Variants in HCN2 observed in about 807,000 individuals in gnomAD.
HCN2 encodes the protein hyperpolarization activated cyclic nucleotide gated potassium and sodium channel 2.
HCN2 carries 20 observed loss-of-function variants against 52.3 expected under a neutral mutation model. The ratio of observed to expected loss-of-function variants is 0.38; its 90% CI spans 0.27 to 0.56. The LOEUF (loss-of-function observed/expected upper bound fraction) is 0.56, where lower values mean the gene tolerates loss of function less well. Among genes scored for constraint, HCN2 ranks in the 20% least tolerant of loss-of-function variants. HCN2 has a pLI of 0.71. For synonymous variants in HCN2, 694 were observed against 537.0 expected, an observed-to-expected ratio of 1.29 and a Z score of -4.04; for missense variants, 981 against 1,207.7, an observed-to-expected ratio of 0.81 and a Z score of 2.78.
At chr19:614,037 G>A in intron 7 of HCN2, 21 bp downstream of exon 7, 1 of 1,537,434 alleles carries the variant, frequency 6.5e-7, no homozygotes, top group Non-Finnish European at 8.7e-7. Flanking sequence ...CGGGGGCGTG[G>A]CCGGGGCGGG....
chr19:608,648 C>G (rs1234676463), intron 4 of HCN2, among the ~76,000 whole-genome samples: 1 of 141,954 alleles, frequency 7.0e-6, no homozygotes, highest in African/African-American at 2.5e-5. Flanking sequence ...CAGGGCAGGA[C>G]AGGGTCAGTC....
In HCN2 at chr19:608,166, G is replaced by T; in HGVS notation, c.1421G>T (p.Arg474Leu). ...ALIQSLDSSR[R>L]QYQEKYKQVE... ...ATCCAGTCGCTGGACTCCTCGCGGC[G>T]CCAGTACCAGGAGAAGGTCTGAGGG... is the stretch of plus-strand genomic sequence containing the variant. Residue 474 changes from arginine to leucine, a missense_variant, in exon 4 of 8, where the codon CGC (arginine) becomes CTC (leucine). By Grantham distance (102) the Arg-to-Leu change is moderately radical (BLOSUM62 -2). Transcript: ENST00000251287. 6.2e-7 allele frequency: 1 copy of T among 1,612,810 alleles called. No individual in the cohort carries two copies. The highest frequency in any genetic ancestry group is 8.5e-7 in the Non-Finnish European group (1 of 1,179,954).
chr19:603,997 A>G lies in HCN2; in HGVS notation c.1056+30A>G, dbSNP rs368986151. The G allele has an allele frequency of 2.9e-4, 380 of 1,332,102 alleles. 2 individuals carry two copies. The African/African-American group carries it at 5.0e-3, about 18-fold the overall frequency. The allele number at this position is 1,332,102 out of a possible 1,614,324, so 82.5% of individuals were successfully genotyped here. On this transcript the variant is annotated intron_variant, in intron 2 of 7. Transcript: ENST00000251287. ...GGTGGGGCGGGGGCGGGGCCAAGGCAGCAGGGGCGGGGCTATAATGGTGCA... is the reference window on the plus strand; with the variant it reads ...GGTGGGGCGGGGGCGGGGCCAAGGCGGCAGGGGCGGGGCTATAATGGTGCA...
In HCN2 at chr19:615,985, C is replaced by T. The variant is rs745367470; in HGVS notation, c.2181C>T (p.Ile727=). 8 of 1,588,936 alleles carry T rather than the reference C, an allele frequency of 5.0e-6. No individual in the cohort carries two copies. Among genetic ancestry groups the T allele is most frequent in the Middle Eastern group, 2.1e-4 (1 of 4,660 alleles). ...PPPPPQVTSA[I]ATLQQAAAMS... ...CGCCGCCGCAGGTCACCTCGGCCAT[C>T]GCCACGCTGCAGCAGGCGGCGGCCA... is the stretch of plus-strand genomic sequence containing the variant. The change falls in exon 8 of 8, where the codon ATC becomes ATT. Residue 727 remains isoleucine, a synonymous_variant. Transcript: ENST00000251287.
intron 3 of HCN2, among the ~76,000 whole-genome samples, chr19:606,952 C>T (rs538262483): frequency 1.3e-5 from 2 of 151,802 alleles, no homozygotes; most frequent in South Asian, 4.2e-4. Context: ...TGGGGCTGAT[C>T]ACCTGAGGTC....
chr19:609,624 G>A (rs1472748143), intron 4 of HCN2, among the ~76,000 whole-genome samples: 2 of 152,246 alleles, frequency 1.3e-5, no homozygotes, highest in African/African-American at 2.4e-5. Flanking sequence ...AAATTAGCAG[G>A]GCAGGGTGGT....
chr19:608,407 A>C (rs549800984), intron 4 of HCN2, among the ~76,000 whole-genome samples: 1 of 127,092 alleles, frequency 7.9e-6, no homozygotes, highest in South Asian at 2.5e-4. Flanking sequence ...GTCTGAGGGG[A>C]GAGGCAGTCT....
intron 5 of HCN2, among the ~76,000 whole-genome samples, chr19:611,301 G>A (rs964724489): frequency 6.6e-6 from 1 of 152,238 alleles, no homozygotes; most frequent in Non-Finnish European, 1.5e-5. Flanking sequence ...GCGGGGCCTA[G>A]GGATGGCGGC....
intron 3 of HCN2, among the ~76,000 whole-genome samples, chr19:606,900 G>T (rs186006914): frequency 1.4e-5 from 2 of 145,916 alleles, no homozygotes; most frequent in Admixed American, 1.4e-4. Flanking sequence ...GGCCGGGCGC[G>T]GTGGCTCACG....
In HCN2 at chr19:603,694, G is replaced by A; in HGVS notation, c.783G>A (p.Leu261=). ...SDTFFLMDLV[L]NFRTGIVIED... ...CCTTCTTCCTCATGGACCTGGTGTT[G>A]AACTTCCGCACCGGCATTGTGATCG... Residue 261 remains leucine, a synonymous_variant, in exon 2 of 8, where the codon TTG becomes TTA. Coordinates refer to ENST00000251287, the MANE Select transcript of HCN2 (RefSeq NM_001194.4). 1 of 1,612,800 alleles carries A rather than the reference G, an allele frequency of 6.2e-7. No individual in the cohort carries two copies.
rs978773859 is a variant in HCN2 at position 611,728 on chromosome 19, T to C, written c.1584+1323T>C. On this transcript the variant is annotated intron_variant, in intron 5 of 7. Transcript: ENST00000251287. ...GATACCACAGCCTCACTCCAGAACA[T>C]TCTCATGGGCCCAAAAGGAGACCTG... 2.0e-4 allele frequency among the ~76,000 whole-genome samples: 30 copies of C among 152,104 alleles called. 1 individual carries two copies.
intron 4 of HCN2, 33 bp from the exon 5 acceptor site, chr19:610,226 G>A (rs200935532): frequency 1.8e-5 from 28 of 1,582,142 alleles, no homozygotes; most frequent in Admixed American, 5.1e-5. Flanking sequence ...GGCCGGGGGC[G>A]GTGTCTGACC....
At chr19:600,337 T>A (rs1323044567) in intron 1 of HCN2, among the ~76,000 whole-genome samples, 1 of 150,878 alleles carries the variant, frequency 6.6e-6, no homozygotes, top group Non-Finnish European at 1.5e-5. Context: ...CACGCCCGGC[T>A]AATTTTTGTA....
chr19:610,546 A>ACC (rs1983584422), intron 5 of HCN2, 141 bp downstream of exon 5: 1 of 685,342 alleles, frequency 1.5e-6, no homozygotes, highest in Non-Finnish European at 2.4e-6. Flanking sequence ...CTGCGTACAC[A>ACC]CCCTCCCCTC....
At position 590,665 on chromosome 19, in the gene HCN2, G is replaced by C; in HGVS notation, c.632+88G>C. The C allele has an allele frequency of 9.4e-7, 1 of 1,066,492 alleles. No homozygotes were observed. The highest frequency in any genetic ancestry group is 3.6e-4 in the Middle Eastern group (1 of 2,792). The allele number at this position is 1,066,492 out of a possible 1,614,324, so 66.1% of individuals were successfully genotyped here. A position where few individuals can be genotyped will look rare whatever the true frequency, so the allele number is the denominator to read the frequency against. ...CGTCCTTGGAGCGCCTGGGGAGGGC[G>C]GGGCGGCGCGCCGGGCCGGTGACCT... On this transcript the variant is annotated intron_variant, in intron 1 of 7. Coordinates refer to ENST00000251287, the MANE Select transcript of HCN2 (RefSeq NM_001194.4). This position sits in a 1 kb window ranked among gnomAD's most constrained non-coding sequence, Gnocchi z 7.2.
intron 7 of HCN2, 126 bp downstream of exon 7, chr19:614,142 T>G: frequency 3.0e-5 from 20 of 656,912 alleles, no homozygotes; most frequent in Non-Finnish European, 4.1e-5. Context: ...GGGGCACGGT[T>G]GGGGCAGAGA....
rs1251822860 is a variant in HCN2 at position 592,630 on chromosome 19, A to T, written c.632+2053A>T. 6.6e-6 allele frequency among the ~76,000 whole-genome samples: 1 copy of T among 151,952 alleles called. No individual in the cohort carries two copies. Reference sequence around the variant, plus strand: ...CGGGGCCTGTCTTCGGGACTAGGGGAGTCACGGCAGTCAGATTTTAAAAAA... The same window carrying T: ...CGGGGCCTGTCTTCGGGACTAGGGGTGTCACGGCAGTCAGATTTTAAAAAA... On this transcript the variant is annotated intron_variant, in intron 1 of 7. Transcript: ENST00000251287. This position sits in a 1 kb window ranked among gnomAD's most constrained non-coding sequence, Gnocchi z 4.8.
intron 5 of HCN2, among the ~76,000 whole-genome samples, chr19:612,421 T>TGAGA (rs993809914): frequency 3.8e-5 from 4 of 105,816 alleles, no homozygotes; most frequent in African/African-American, 1.3e-4. Flanking sequence ...TGTGTGTGTG[T>TGAGA]GTGTGTGAGA....
chr19:595,765 C>G (rs1448418096), intron 1 of HCN2, among the ~76,000 whole-genome samples: 2 of 152,212 alleles, frequency 1.3e-5, no homozygotes, highest in African/African-American at 4.8e-5. Context: ...TTTCTTAATC[C>G]TGGGCACCTG....
Sources: allele counts gnomAD v4.1 joint callset (sites outside exome capture counted in the v4.1 genomes callset), GRCh38; gene constraint gnomAD v4.1.1; non-coding constraint Gnocchi (gnomAD v3.1); transcripts MANE v1.5; gene names NCBI Gene and HGNC (gene_info 2026-07-23, HGNC 2026-07-21).